Variants in CDC25C observed in about 807,000 individuals in gnomAD.
CDC25C encodes the protein cell division cycle 25C.
In CDC25C, 48 loss-of-function variants were observed where a neutral mutation model predicts 52.5. The ratio of observed to expected loss-of-function variants is 0.91; its 90% CI spans 0.72 to 1.16. The LOEUF (loss-of-function observed/expected upper bound fraction) is 1.16, where lower values mean the gene tolerates loss of function less well. Among genes scored for constraint, CDC25C ranks in the 50% most tolerant of loss-of-function variants. The pLI, the probability that CDC25C is intolerant of heterozygous loss-of-function variation, is 0.00. For synonymous variants in CDC25C, 187 were observed against 206.5 expected (o/e 0.91, Z 0.81); for missense variants, 510 against 566.1 (o/e 0.90, Z 1.01).
At chr5:138,315,106 G>A (rs1758779427) in intron 7 of CDC25C, among the ~76,000 whole-genome samples, 1 of 150,824 alleles carries the variant, frequency 6.6e-6, no homozygotes, top group Non-Finnish European at 1.5e-5. Flanking sequence ...GCTAATTTTT[G>A]TATTTTTAGT....
intron 2 of CDC25C, among the ~76,000 whole-genome samples, chr5:138,330,183 C>T (rs1760243232): frequency 6.6e-6 from 1 of 152,052 alleles, no homozygotes; most frequent in South Asian, 2.1e-4. Context: ...TACCAACATA[C>T]TGAAACAGAT....
intron 7 of CDC25C, among the ~76,000 whole-genome samples, chr5:138,317,419 C>G (rs1410292397): frequency 6.6e-6 from 1 of 152,108 alleles, no homozygotes; most frequent in Non-Finnish European, 1.5e-5. Flanking sequence ...GTAGCTCATG[C>G]CTGTAATCCC....
chr5:138,330,138 C>T (rs1186188236), intron 2 of CDC25C, among the ~76,000 whole-genome samples: 1 of 152,108 alleles, frequency 6.6e-6, no homozygotes, highest in Non-Finnish European at 1.5e-5. Flanking sequence ...TGAGAAAAAT[C>T]TCCCACTACC....
chr5:138,292,115 AC>A lies in CDC25C; in HGVS notation c.616del (p.Val206Ter), dbSNP rs763448312. ...EFSLKDQEAKVSRSGLYRSPS... is the reference protein window; with the variant it reads ...EFSLKDQEAKXSRSGLYRSPS... ...GGAGCGATATAGGCCACTTCTGCTC[AC>A]CTGTTTGGGAATATTAAACCCCCTA... On this transcript the variant is annotated frameshift_variant and splice_region_variant, in exon 8 of 14. Coordinates refer to ENST00000323760, the MANE Select transcript of CDC25C (RefSeq NM_001790.5). LOFTEE classifies it high-confidence loss of function. 6.2e-7 allele frequency: 1 copy of A among 1,609,850 alleles called. No individual in the cohort carries two copies. The highest frequency in any genetic ancestry group is 8.5e-7 in the Non-Finnish European group (1 of 1,177,998).
chr5:138,287,286 T>C lies in CDC25C; in HGVS notation c.928-19A>G, dbSNP rs1756334873. Reference sequence around the variant, plus strand: ...CAGCCACCTGGACAGAAACAATGACTGAATATTCTGCTCACTGCCACTCTG... The same window carrying C: ...CAGCCACCTGGACAGAAACAATGACCGAATATTCTGCTCACTGCCACTCTG... On this transcript the variant is annotated intron_variant, in intron 10 of 13. Transcript: ENST00000323760. The C allele has an allele frequency of 1.3e-6, 2 of 1,563,434 alleles. No individual in the cohort carries two copies. The highest frequency in any genetic ancestry group is 2.2e-5 in the East Asian group (1 of 44,650).
At chr5:138,294,504 T>C (rs995745581) in intron 7 of CDC25C, among the ~76,000 whole-genome samples, 28 of 142,834 alleles carry the variant, frequency 2.0e-4, no homozygotes, top group African/African-American at 6.8e-4. Context: ...AGCTAATTTT[T>C]TTTTTTTTTT....
At chr5:138,323,843 A>G (rs1759629450) in intron 6 of CDC25C, among the ~76,000 whole-genome samples, 3 of 151,830 alleles carry the variant, frequency 2.0e-5, no homozygotes. Context: ...CTGTAGTCCC[A>G]GCTGCTCAGG....
At chr5:138,293,585 A>G (rs1466462628) in intron 7 of CDC25C, among the ~76,000 whole-genome samples, 3 of 152,188 alleles carry the variant, frequency 2.0e-5, no homozygotes, top group East Asian at 1.9e-4. Flanking sequence ...AGAACACACC[A>G]TAATAATTAT....
Position 138,328,474 on chromosome 5 carries a change from C to T in CDC25C, c.335+10G>A, listed in dbSNP as rs377491031. On this transcript the variant is annotated intron_variant, in intron 4 of 13. Transcript: ENST00000323760. ...CTTTTGTGTGGGGTTCATTTAACAA[C>T]AGAACTTACATCCCAGCTAAATGCA... 598 of 1,612,858 alleles carry T rather than the reference C, an allele frequency of 3.7e-4. 1 individual carries two copies. The highest frequency in any genetic ancestry group is 4.7e-4 in the Non-Finnish European group (554 of 1,179,008).
chr5:138,330,084 T>A lies in CDC25C; in HGVS notation c.195-437A>T, dbSNP rs150250953. Among the ~76,000 whole-genome samples the A allele has an allele frequency of 4.4e-4, 67 of 152,302 alleles. 2 individuals are homozygous for A. The East Asian group carries it at 9.1e-3, about 21-fold the overall frequency. The stretch of plus-strand genomic sequence containing the variant: ...TGACTATCAGATCATCTGAACAGTG[T>A]CCAAATAAATCTAATTGCTTTTGGG... On this transcript the variant is annotated intron_variant, in intron 2 of 13. Coordinates refer to ENST00000323760, the MANE Select transcript of CDC25C (RefSeq NM_001790.5).
chr5:138,292,223 G>A, intron 7 of CDC25C, 107 bp from the exon 8 acceptor site: 1 of 814,714 alleles, frequency 1.2e-6, no homozygotes, highest in East Asian at 2.6e-5. Flanking sequence ...GTTTCCAGAT[G>A]TTAGGCCACA....
chr5:138,323,196 G>A (rs556641622), intron 6 of CDC25C, among the ~76,000 whole-genome samples: 6 of 152,226 alleles, frequency 3.9e-5, no homozygotes, highest in Admixed American at 1.3e-4. Context: ...CTCCCAAAGC[G>A]GTGGGATTAC....
chr5:138,290,175 T>A (rs1756586983), intron 9 of CDC25C, among the ~76,000 whole-genome samples: 1 of 152,178 alleles, frequency 6.6e-6, no homozygotes, highest in South Asian at 2.1e-4. Flanking sequence ...CAATATAAAC[T>A]GTTTTTGTAG....
intron 7 of CDC25C, among the ~76,000 whole-genome samples, chr5:138,308,236 A>G (rs1255197145): frequency 3.3e-5 from 5 of 152,184 alleles, no homozygotes; most frequent in African/African-American, 1.2e-4. Flanking sequence ...TATACTGTCT[A>G]TATTATGCAA....
At chr5:138,321,386 A>AT (rs1759371856) in intron 6 of CDC25C, among the ~76,000 whole-genome samples, 1 of 152,172 alleles carries the variant, frequency 6.6e-6, no homozygotes, top group African/African-American at 2.4e-5. Context: ...AAAATCACAT[A>AT]TAAGACTATC....
intron 7 of CDC25C, among the ~76,000 whole-genome samples, chr5:138,314,925 C>CTTT (rs35443317): frequency 4.4e-5 from 4 of 90,838 alleles, no homozygotes; most frequent in African/African-American, 8.5e-5. Flanking sequence ...CCAGCCAGCA[C>CTTT]TTTTTTTTTT....
intron 7 of CDC25C, among the ~76,000 whole-genome samples, chr5:138,294,064 C>T (rs1756981570): frequency 1.4e-5 from 2 of 139,728 alleles, no homozygotes; most frequent in Non-Finnish European, 3.0e-5. Flanking sequence ...CTCACTCTGT[C>T]GCCCAGGCTG....
chr5:138,318,124 T>G (rs1416886104), intron 7 of CDC25C, among the ~76,000 whole-genome samples: 1 of 151,914 alleles, frequency 6.6e-6, no homozygotes, highest in African/African-American at 2.4e-5. Flanking sequence ...AGGTCAGGAG[T>G]TCGAGACCAG....
intron 10 of CDC25C, 23 bp from the exon 11 acceptor site, chr5:138,287,290 T>G: frequency 6.5e-7 from 1 of 1,548,772 alleles, no homozygotes; most frequent in Non-Finnish European, 8.9e-7. Flanking sequence ...AATGACTGAA[T>G]ATTCTGCTCA....
Sources: allele counts gnomAD v4.1 joint callset (sites outside exome capture counted in the v4.1 genomes callset), GRCh38; gene constraint gnomAD v4.1.1; transcripts MANE v1.5; gene names NCBI Gene and HGNC (gene_info 2026-07-23, HGNC 2026-07-21).